Variants in SGO2 observed in about 807,000 individuals in gnomAD.
SGO2 encodes shugoshin 2.
Under a neutral mutation model 99.5 loss-of-function variants are expected in SGO2, and 68 were observed. That is an observed-to-expected ratio of 0.68 (90% confidence interval 0.56 to 0.84). SGO2 has a LOEUF of 0.84. SGO2 is among the 40% of genes least tolerant of loss of function. SGO2 has a pLI of 0.00. For missense variants in SGO2, 1,350 were observed against 1,436.7 expected, an observed-to-expected ratio of 0.94 and a Z score of 0.97; for synonymous variants, 457 against 487.1, an observed-to-expected ratio of 0.94 and a Z score of 0.81.
chr2:200,562,997 A>G (rs1197358193), intron 5 of SGO2, among the ~76,000 whole-genome samples: 3 of 152,206 alleles, frequency 2.0e-5, no homozygotes, highest in East Asian at 1.9e-4. Flanking sequence ...CAATCATGTC[A>G]TCTGCAAACA....
chr2:200,553,673 A>T (rs572673519), intron 5 of SGO2, among the ~76,000 whole-genome samples: 1 of 152,356 alleles, frequency 6.6e-6, no homozygotes, highest in South Asian at 2.1e-4. Flanking sequence ...TATAAAGTGC[A>T]GCAAGAATAA....
At chr2:200,532,702 A>G (rs1255803784) in intron 1 of SGO2, among the ~76,000 whole-genome samples, 5 of 152,110 alleles carry the variant, frequency 3.3e-5, no homozygotes, top group Admixed American at 2.6e-4. Context: ...GCATTCCATG[A>G]GGGCAGAGAC....
intron 5 of SGO2, 102 bp from the exon 6 acceptor site, chr2:200,569,561 T>C: frequency 2.4e-6 from 2 of 833,248 alleles, no homozygotes; most frequent in South Asian, 1.9e-5. Flanking sequence ...ACCAGGTGGA[T>C]TTGTGGTTCG....
chr2:200,526,996 G>A lies in SGO2; in HGVS notation c.-3+744G>A, dbSNP rs1193873511. 6.6e-6 allele frequency among the ~76,000 whole-genome samples: 1 copy of A among 152,146 alleles called. No individual in the cohort carries two copies. Among genetic ancestry groups the A allele is most frequent in the East Asian group, 1.9e-4 (1 of 5,196 alleles). On this transcript the variant is annotated intron_variant, in intron 1 of 8. Transcript: ENST00000357799. This position sits in a 1 kb window ranked among gnomAD's most constrained non-coding sequence, Gnocchi z 4.8. ...GTTTTATAAATCTGGAAATTGAGAC[G>A]AAGAGGTGTTGAGATCACATAGCTA...
chr2:200,575,581 A>G lies in SGO2; in HGVS notation c.3782+120A>G, dbSNP rs59076601. ...ATAAAATGTATATTATTGATATGTA[A>G]CAACCACAGTATGATTTGGGTAAGA... On this transcript the variant is annotated intron_variant, in intron 8 of 8. Coordinates refer to ENST00000357799, the MANE Select transcript of SGO2 (RefSeq NM_152524.6). 8.1e-3 allele frequency: 5,357 copies of G among 659,968 alleles called. 231 individuals are homozygous for G. The African/African-American group carries it at 0.088, about 11-fold the overall frequency. 40.9% of individuals were successfully genotyped at this position (659,968 alleles called of 1,614,324 possible).
In SGO2 at chr2:200,561,029, A is replaced by G. The variant is rs185988870; in HGVS notation, c.474-8634A>G. Among the ~76,000 whole-genome samples the G allele has an allele frequency of 1.4e-4, 21 of 152,272 alleles. No individual in the cohort carries two copies. In the East Asian group the frequency reaches 3.9e-3, roughly 28 times the overall value. On this transcript the variant is annotated intron_variant, in intron 5 of 8. Coordinates refer to ENST00000357799, the MANE Select transcript of SGO2 (RefSeq NM_152524.6). Reference sequence around the variant, plus strand: ...AGTTTATTGGTGTAAAGTTACTTATACTATGCTTTTCTTATTCTTTTTTTT... The same window carrying G: ...AGTTTATTGGTGTAAAGTTACTTATGCTATGCTTTTCTTATTCTTTTTTTT...
In SGO2 at chr2:200,570,478, A is replaced by ATGTGTG. The variant is rs71022323; in HGVS notation, c.704-545_704-540dup. Among the ~76,000 whole-genome samples, 23,970 of 142,604 alleles carry ATGTGTG rather than the reference A, an allele frequency of 0.17. 2,113 individuals are homozygous for ATGTGTG. Among genetic ancestry groups the ATGTGTG allele is most frequent in the Non-Finnish European group, 0.2 (13,234 of 65,390 alleles). 93.6% of individuals were successfully genotyped at this position (142,604 alleles called of 152,430 possible). ...TTAGAATTGTTTTTCCTTTCTGAAA[A>ATGTGTG]TGTGTGTGTGTGTGTGTGTGTGTGT... On this transcript the variant is annotated intron_variant, in intron 6 of 8. Transcript: ENST00000357799. This position sits in a 1 kb window ranked among gnomAD's most constrained non-coding sequence, Gnocchi z 4.4.
At chr2:200,535,984 G>C in intron 3 of SGO2, 81 bp from the exon 4 acceptor site, 1 of 828,178 alleles carries the variant, frequency 1.2e-6, no homozygotes, top group African/African-American at 1.7e-5. Context: ...TTCTCACATG[G>C]ATGGCATTCA....
At chr2:200,582,134 T>G (rs972793230) in intron 8 of SGO2, among the ~76,000 whole-genome samples, 1 of 152,128 alleles carries the variant, frequency 6.6e-6, no homozygotes, top group Non-Finnish European at 1.5e-5. Flanking sequence ...AATAAAATTA[T>G]TGGGTAAAAT....
At chr2:200,534,068 G>A (rs760199502) in intron 2 of SGO2, among the ~76,000 whole-genome samples, 1 of 152,066 alleles carries the variant, frequency 6.6e-6, no homozygotes, top group Non-Finnish European at 1.5e-5. Context: ...TGTGCCAAAG[G>A]TAAAGTACTG....
chr2:200,581,413 T>A (rs891175451), intron 8 of SGO2, among the ~76,000 whole-genome samples: 1 of 152,178 alleles, frequency 6.6e-6, no homozygotes, highest in South Asian at 2.1e-4. Flanking sequence ...AATATCATGA[T>A]TATTACTTAT....
intron 3 of SGO2, among the ~76,000 whole-genome samples, chr2:200,535,748 C>T (rs1340789505): frequency 6.6e-6 from 1 of 151,934 alleles, no homozygotes; most frequent in East Asian, 1.9e-4. Context: ...AAACTGTTCT[C>T]TTGCCATGTG....
At chr2:200,564,570 A>G (rs550979285) in intron 5 of SGO2, among the ~76,000 whole-genome samples, 34 of 152,332 alleles carry the variant, frequency 2.2e-4, no homozygotes, top group African/African-American at 7.7e-4. Flanking sequence ...GTAGATGTCT[A>G]TTAGGTCTGC....
intron 8 of SGO2, among the ~76,000 whole-genome samples, chr2:200,575,768 A>G (rs2033633968): frequency 6.6e-6 from 1 of 152,140 alleles, no homozygotes; most frequent in African/African-American, 2.4e-5. Context: ...TGTGATTTGC[A>G]AGCCATTTTT....
chr2:200,566,576 GA>G (rs1288334759), intron 5 of SGO2, among the ~76,000 whole-genome samples: 8 of 152,300 alleles, frequency 5.3e-5, no homozygotes, highest in Non-Finnish European at 5.9e-5. Flanking sequence ...TGGGCTGGGG[GA>G]ACGACTATTC....
At chr2:200,550,709 C>CT (rs1166805323) in intron 5 of SGO2, among the ~76,000 whole-genome samples, 1 of 152,110 alleles carries the variant, frequency 6.6e-6, no homozygotes, top group Non-Finnish European at 1.5e-5. Context: ...AGATTTGAAT[C>CT]TAAGACCCAA....
At chr2:200,568,361 C>A (rs1448042135) in intron 5 of SGO2, among the ~76,000 whole-genome samples, 2 of 152,156 alleles carry the variant, frequency 1.3e-5, no homozygotes, top group East Asian at 3.9e-4. Context: ...TATTGTGTAT[C>A]CCTTGTTGGA....
intron 5 of SGO2, among the ~76,000 whole-genome samples, chr2:200,555,282 C>T (rs1192593884): frequency 1.3e-5 from 2 of 152,044 alleles, no homozygotes; most frequent in Non-Finnish European, 2.9e-5. Flanking sequence ...ATCACACACA[C>T]CACACACATA....
rs904553275 is a variant in SGO2 at position 200,583,560 on chromosome 2, G to T, written c.*96G>T. 16 of 1,060,222 alleles carry T rather than the reference G, an allele frequency of 1.5e-5. No homozygotes were observed. Among genetic ancestry groups the T allele is most frequent in the African/African-American group, 1.2e-4 (7 of 60,482 alleles). The allele number at this position is 1,060,222 out of a possible 1,614,324, so 65.7% of individuals were successfully genotyped here. ...AGAAGATGAAATGCTTAATGAAAAG[G>T]TTTTTTTTTTGTTTCTTTGGCCTTT... On this transcript the variant is annotated 3_prime_UTR_variant, in exon 9 of 9. Transcript: ENST00000357799.
Sources: allele counts gnomAD v4.1 joint callset (sites outside exome capture counted in the v4.1 genomes callset), GRCh38; gene constraint gnomAD v4.1.1; non-coding constraint Gnocchi (gnomAD v3.1); transcripts MANE v1.5; gene names NCBI Gene and HGNC (gene_info 2026-07-23, HGNC 2026-07-21).